DCAF10: variants seen among roughly 807,000 people sequenced by gnomAD.
DCAF10 encodes DDB1- and CUL4-associated factor 10.
Under a neutral mutation model 51.9 loss-of-function variants are expected in DCAF10, and 19 were observed. The ratio of observed to expected loss-of-function variants is 0.37; its 90% CI spans 0.26 to 0.54. The LOEUF (loss-of-function observed/expected upper bound fraction) is 0.54, where lower values mean the gene tolerates loss of function less well. DCAF10 is among the 20% of genes least tolerant of loss of function. The pLI is 0.87. For missense variants in DCAF10, 510 were observed against 730.6 expected (o/e 0.70, Z 3.48); for synonymous variants, 291 against 297.1 (o/e 0.98, Z 0.21).
chr9:37,819,186 A>G, intron 1 of DCAF10, 102 bp from the exon 2 acceptor site: 1 of 884,846 alleles, frequency 1.1e-6, no homozygotes, highest in South Asian at 1.7e-5. Flanking sequence ...GGCAAAAAAA[A>G]AAAGTTATTT....
At chr9:37,837,444 C>T (rs1442069315) in intron 2 of DCAF10, among the ~76,000 whole-genome samples, 5 of 136,694 alleles carry the variant, frequency 3.7e-5, no homozygotes, top group Admixed American at 8.1e-5. Context: ...GGCAACAGAG[C>T]GAGACTCCAT....
chr9:37,828,505 A>C (rs1829918714), intron 2 of DCAF10, among the ~76,000 whole-genome samples: 1 of 152,220 alleles, frequency 6.6e-6, no homozygotes, highest in Non-Finnish European at 1.5e-5. Flanking sequence ...AAAAGTCAGC[A>C]TCATAAAGAA....
intron 1 of DCAF10, among the ~76,000 whole-genome samples, chr9:37,814,463 A>G (rs1829469967): frequency 6.7e-6 from 1 of 150,256 alleles, no homozygotes; most frequent in Non-Finnish European, 1.5e-5. Flanking sequence ...TTTTTTTTTT[A>G]AGAGGCAGGG....
chr9:37,861,182 C>T lies in DCAF10; in HGVS notation c.1354C>T (p.Pro452Ser). 6.2e-7 allele frequency: 1 copy of T among 1,606,810 alleles called. No individual in the cohort carries two copies. Among genetic ancestry groups the T allele is most frequent in the Non-Finnish European group, 8.5e-7 (1 of 1,173,658 alleles). ...ATTCCAAGAAGGAGCTCCAGTGCGA[C>T]CTGTCTCACCTCGCTGTTCTCTACG... is the stretch of plus-strand genomic sequence containing the variant. ...YEFQEGAPVR[P>S]VSPRCSLRLT... Residue 452 changes from proline to serine, a missense_variant, in exon 7 of 7, where the codon CCT (proline) becomes TCT (serine). Physicochemically the swap from Pro to Ser is moderately conservative, Grantham distance 74. This residue lies in a region of DCAF10 where 104 missense variants were observed against 206.2 expected (regional missense o/e 0.50). Transcript: ENST00000377724. This position sits in a 1 kb window ranked among gnomAD's most constrained non-coding sequence, Gnocchi z 4.9.
In DCAF10 at chr9:37,867,649, A is replaced by G. The variant is rs1019277480; in HGVS notation, c.*6141A>G. On this transcript the variant is annotated 3_prime_UTR_variant, in exon 7 of 7. Transcript: ENST00000377724. Reference sequence around the variant, plus strand: ...TTGACACAGAGTAGTTGTTCAATAAATATTTGTTGAATGAATCAAATGAAC... The same window carrying G: ...TTGACACAGAGTAGTTGTTCAATAAGTATTTGTTGAATGAATCAAATGAAC... 6.6e-6 allele frequency: 1 copy of G among 152,166 alleles called. No homozygotes were observed. Among genetic ancestry groups the G allele is most frequent in the African/African-American group, 2.4e-5 (1 of 41,430 alleles). The allele number at this position is 152,166 out of a possible 1,614,324, so 9.4% of individuals were successfully genotyped here.
chr9:37,804,695 G>A (rs1406264045), intron 1 of DCAF10, among the ~76,000 whole-genome samples: 10 of 151,772 alleles, frequency 6.6e-5, no homozygotes, highest in African/African-American at 2.4e-4. Context: ...AGAATCGCTT[G>A]AACTTGGGAG....
chr9:37,858,929 C>T (rs571887760), intron 5 of DCAF10, among the ~76,000 whole-genome samples: 71 of 152,348 alleles, frequency 4.7e-4, no homozygotes, highest in Middle Eastern at 3.4e-3. Flanking sequence ...TCAGCCCACA[C>T]GTGGTTCCCC....
intron 1 of DCAF10, among the ~76,000 whole-genome samples, chr9:37,804,228 A>G (rs1829043005): frequency 6.7e-6 from 1 of 149,422 alleles, no homozygotes; most frequent in Non-Finnish European, 1.5e-5. Context: ...CATACCATAT[A>G]GTTAGCCAGA....
chr9:37,836,511 T>C (rs10123022), intron 2 of DCAF10: 130,495 of 860,830 alleles, frequency 0.15, 11,419 homozygotes, highest in African/African-American at 0.29. Flanking sequence ...CTAACTGCTC[T>C]ATTGAGTTCT....
chr9:37,851,866 C>CCAAAA (rs1554690129), intron 3 of DCAF10, among the ~76,000 whole-genome samples: 1 of 150,760 alleles, frequency 6.6e-6, no homozygotes, highest in African/African-American at 2.4e-5. Context: ...GAAAAAGATA[C>CCAAAA]TGAAATGAAA....
At chr9:37,839,914 TG>T (rs1830282680) in intron 2 of DCAF10, among the ~76,000 whole-genome samples, 1 of 152,244 alleles carries the variant, frequency 6.6e-6, no homozygotes, top group African/African-American at 2.4e-5. Flanking sequence ...CCATGTGTAT[TG>T]TATACTGCAG....
chr9:37,821,456 A>C (rs1306725007), intron 2 of DCAF10, among the ~76,000 whole-genome samples: 1 of 152,224 alleles, frequency 6.6e-6, no homozygotes, highest in Non-Finnish European at 1.5e-5. Flanking sequence ...TAAAAATGTC[A>C]AGCTGCCCAG....
rs768890655 is a variant in DCAF10 at position 37,819,281 on chromosome 9, C to T, written c.540-7C>T. On this transcript the variant is annotated splice_polypyrimidine_tract_variant and splice_region_variant and intron_variant, in intron 1 of 6. Transcript: ENST00000377724. ...CTAAACAAGATAAATGTGTCATTTG[C>T]TTTCAGGTCAGTGCTGACAGTTGCT... is the stretch of plus-strand genomic sequence containing the variant. The T allele has an allele frequency of 2.5e-6, 4 of 1,607,374 alleles. No individual in the cohort carries two copies. Among genetic ancestry groups the T allele is most frequent in the Non-Finnish European group, 2.6e-6 (3 of 1,175,558 alleles).
At chr9:37,842,433 G>T (rs1830361274) in intron 3 of DCAF10, 147 bp downstream of exon 3, 2 of 779,294 alleles carry the variant, frequency 2.6e-6, no homozygotes, top group Non-Finnish European at 3.8e-6. Flanking sequence ...TTTGTTAATT[G>T]TACCTAGTCA....
At chr9:37,847,253 C>CAAAAAAAA (rs78089886) in intron 3 of DCAF10, among the ~76,000 whole-genome samples, 5 of 32,940 alleles carry the variant, frequency 1.5e-4, no homozygotes, top group Non-Finnish European at 2.9e-4. Context: ...AACTCCATCT[C>CAAAAAAAA]AAAAAAAAAA....
chr9:37,822,404 GATAT>G (rs59549239), intron 2 of DCAF10, among the ~76,000 whole-genome samples: 13,262 of 122,726 alleles, frequency 0.11, 754 homozygotes, highest in Middle Eastern at 0.19. Flanking sequence ...AAGAAACTGT[GATAT>G]ATATATATAT....
rs1831104183 is a variant in DCAF10 at position 37,864,820 on chromosome 9, T to C, written c.*3312T>C. 6.6e-6 allele frequency: 1 copy of C among 152,110 alleles called. No individual in the cohort carries two copies. The allele number at this position is 152,110 out of a possible 1,614,324, so 9.4% of individuals were successfully genotyped here. ...AGAGTACCTATCATGTGTCAAATAATATACAGACTTCACTACTAACCCTCA... is the reference window on the plus strand; with the variant it reads ...AGAGTACCTATCATGTGTCAAATAACATACAGACTTCACTACTAACCCTCA... On this transcript the variant is annotated 3_prime_UTR_variant, in exon 7 of 7. Transcript: ENST00000377724.
intron 3 of DCAF10, 105 bp from the exon 4 acceptor site, chr9:37,854,675 T>C (rs1830794109): frequency 9.3e-7 from 1 of 1,070,834 alleles, no homozygotes; most frequent in Middle Eastern, 2.3e-4. Context: ...ACCAAGCTCT[T>C]CTCATCCTCC....
chr9:37,837,457 CAA>C (rs555983041), intron 2 of DCAF10, among the ~76,000 whole-genome samples: 9 of 85,678 alleles, frequency 1.1e-4, no homozygotes, highest in East Asian at 9.2e-4. Context: ...GACTCCATCT[CAA>C]AAAAAAAAAA....
Sources: gnomAD v4.1 joint callset for allele counts (sites outside exome capture counted in the v4.1 genomes callset) on GRCh38, gnomAD v4.1.1 for gene constraint, gnomAD v4.1.1 regional missense constraint, Gnocchi (gnomAD v3.1) non-coding constraint, MANE v1.5 for transcripts, NCBI Gene and HGNC (gene_info 2026-07-23, HGNC 2026-07-21) for gene names.